The following ANK3 variants were observed in gnomAD, a reference collection of about 807,000 sequenced individuals.
ANK3 encodes ankyrin-3.
ANK3 carries 57 observed loss-of-function variants against 370.9 expected under a neutral mutation model. That is an observed-to-expected ratio of 0.15 (90% confidence interval 0.12 to 0.19). The LOEUF (loss-of-function observed/expected upper bound fraction) is 0.19. Among genes scored for constraint, ANK3 ranks in the 10% least tolerant of loss-of-function variants. The pLI, the probability that ANK3 is intolerant of heterozygous loss-of-function variation, is 1.00. For missense variants in ANK3, 4,439 were observed against 5,302.1 expected (o/e 0.84, Z 5.06); for synonymous variants, 1,929 against 1,946.3 (o/e 0.99, Z 0.23).
rs201156836 is a variant in ANK3, at chr10:60,358,111, CACACACACAA to C, written c.114+31304_114+31313del. Among the ~76,000 whole-genome samples the C allele has an allele frequency of 2.1e-3, 68 of 32,280 alleles. No individual in the cohort carries two copies. In the South Asian group the frequency reaches 0.076, roughly 36 times the overall value. 21.2% of individuals were successfully genotyped at this position (32,280 alleles called of 152,430 possible). ...ACATGCATATGTATACACACACACA[CACACACACAA>C]ACACACACACACACACACACACCCA... On this transcript the variant is annotated intron_variant, in intron 1 of 43. Coordinates refer to ENST00000280772, the MANE Select transcript of ANK3 (RefSeq NM_020987.5).
At chr10:60,060,292 ATATATAAAGTTTATATATTTAAGTT>A (rs960407309) in intron 40 of ANK3, 3 of 218,012 alleles carry the variant, frequency 1.4e-5, no homozygotes, top group Non-Finnish European at 2.7e-5. Flanking sequence ...TGCAGACTAA[ATATATAAAGTTTATATATTTAAGTT>A]TATATAAAGA....
intron 1 of ANK3, among the ~76,000 whole-genome samples, chr10:60,652,905 C>T (rs1401128325): frequency 5.9e-5 from 9 of 152,034 alleles, no homozygotes; most frequent in Non-Finnish European, 1.5e-5. Context: ...AAAGTGCAGG[C>T]CTTTACACAT....
chr10:60,694,352 A>G (rs1324008181), intron 1 of ANK3, among the ~76,000 whole-genome samples: 1 of 152,248 alleles, frequency 6.6e-6, no homozygotes, highest in Non-Finnish European at 1.5e-5. Context: ...AACTTCCCCA[A>G]TCTAGCAAGG....
intron 1 of ANK3, among the ~76,000 whole-genome samples, chr10:60,322,810 A>T (rs895344630): frequency 6.6e-6 from 1 of 151,954 alleles, no homozygotes; most frequent in African/African-American, 2.4e-5. Context: ...GGGAAAAAAA[A>T]TCTAGTGGTT....
chr10:60,041,080 T>C (rs758566836), intron 43 of ANK3, among the ~76,000 whole-genome samples: 5 of 152,148 alleles, frequency 3.3e-5, no homozygotes, highest in African/African-American at 7.2e-5. Context: ...AAAACCAAGT[T>C]GTGTTGAAAT....
At chr10:60,081,727 C>T (rs1222051769) in intron 35 of ANK3, 10 of 285,688 alleles carry the variant, frequency 3.5e-5, no homozygotes, top group African/African-American at 2.2e-4. Context: ...GAAACTTTCA[C>T]AAAATGTCTA....
intron 2 of ANK3, among the ~76,000 whole-genome samples, chr10:60,466,453 T>C (rs1040778942): frequency 6.6e-6 from 1 of 152,226 alleles, no homozygotes; most frequent in Non-Finnish European, 1.5e-5. Flanking sequence ...TGTAATGATA[T>C]AAGAAGCCTC....
intron 1 of ANK3, among the ~76,000 whole-genome samples, chr10:60,625,897 T>G (rs1210766249): frequency 6.6e-6 from 1 of 152,186 alleles, no homozygotes; most frequent in Non-Finnish European, 1.5e-5. Context: ...AGGACATTAG[T>G]ACATATTTTT....
At chr10:60,533,057 T>A (rs1251943390) in intron 2 of ANK3, among the ~76,000 whole-genome samples, 1 of 152,122 alleles carries the variant, frequency 6.6e-6, no homozygotes, top group African/African-American at 2.4e-5. Context: ...GCATTTCTTG[T>A]GTGTGAACTT....
intron 2 of ANK3, among the ~76,000 whole-genome samples, chr10:60,557,854 A>G (rs760318691): frequency 1.3e-5 from 2 of 152,204 alleles, no homozygotes; most frequent in Non-Finnish European, 2.9e-5. Flanking sequence ...AAAACACTTC[A>G]CTGCATTGTT....
intron 2 of ANK3, among the ~76,000 whole-genome samples, chr10:60,568,924 T>C (rs1382105632): frequency 6.6e-6 from 1 of 152,188 alleles, no homozygotes; most frequent in Non-Finnish European, 1.5e-5. Flanking sequence ...AGCAAGAAGA[T>C]GGTCATCAGC....
At position 60,070,463 on chromosome 10, in the gene ANK3, AC is replaced by A; in HGVS notation, c.10417del (p.Val3473TrpfsTer52). ...AGGTGGCTTGTCCTCATCTGGTCCC[AC>A]CTTTCCCTCCTCCTCGATAACTTCA... ...KLEVIEEEGK[V>X]GPDEDKPPSK... is the part of the protein sequence containing the mutation. On this transcript the variant is annotated frameshift_variant, in exon 37 of 44. Transcript: ENST00000280772. LOFTEE classifies it high-confidence loss of function. The surrounding 1 kb of genome is among the most constrained non-coding windows in gnomAD (Gnocchi z 5.7). 1 of 1,614,110 alleles carries A rather than the reference AC, an allele frequency of 6.2e-7. No homozygotes were observed. The highest frequency in any genetic ancestry group is 8.5e-7 in the Non-Finnish European group (1 of 1,179,996).
chr10:60,514,187 C>T (rs1027217593), intron 2 of ANK3, among the ~76,000 whole-genome samples: 4 of 152,104 alleles, frequency 2.6e-5, no homozygotes, highest in African/African-American at 7.2e-5. Context: ...ATCAGTAAGG[C>T]TGCCCGTCAA....
At chr10:60,545,916 A>G (rs559711653) in intron 2 of ANK3, among the ~76,000 whole-genome samples, 1 of 152,368 alleles carries the variant, frequency 6.6e-6, no homozygotes, top group Non-Finnish European at 1.5e-5. Flanking sequence ...CTCAGCCCAG[A>G]GGGACTGAGA....
At chr10:60,544,476 C>T (rs1762253222) in intron 2 of ANK3, among the ~76,000 whole-genome samples, 1 of 152,078 alleles carries the variant, frequency 6.6e-6, no homozygotes, top group African/African-American at 2.4e-5. Context: ...ATATGGCTTT[C>T]CATTTTTCCC....
intron 25 of ANK3, among the ~76,000 whole-genome samples, chr10:60,117,737 C>T (rs1441910797): frequency 1.3e-5 from 2 of 152,054 alleles, no homozygotes; most frequent in Non-Finnish European, 2.9e-5. Flanking sequence ...TCGCCTGAAC[C>T]CGGGAGGCGG....
chr10:60,069,937 T>A lies in ANK3; in HGVS notation c.10944A>T (p.Glu3648Asp). 6.2e-7 allele frequency: 1 copy of A among 1,614,102 alleles called. No individual in the cohort carries two copies. The highest frequency in any genetic ancestry group is 8.5e-7 in the Non-Finnish European group (1 of 1,180,002). ...TGGCAGTGACCATACTTTTATCCCC[T>A]TCCCCCTGGTCCCCTGACTTCCCTT... Reference protein sequence around the residue: ...TSEGKSGDQGEGDKSMVTATP... With the variant: ...TSEGKSGDQGDGDKSMVTATP... Residue 3648 changes from glutamate to aspartate, a missense_variant, in exon 37 of 44, where the codon GAA becomes GAT. Physicochemically the swap from Glu to Asp is conservative, Grantham distance 45 (BLOSUM62 2). Around this residue, in one of 13 missense-constraint regions of ANK3, gnomAD observed 496 missense variants for 529.3 expected, o/e 0.94. Coordinates refer to ENST00000280772, the MANE Select transcript of ANK3 (RefSeq NM_020987.5).
intron 13 of ANK3, among the ~76,000 whole-genome samples, chr10:60,199,696 GAA>G (rs35673624): frequency 2.8e-5 from 4 of 144,122 alleles, no homozygotes; most frequent in Non-Finnish European, 4.6e-5. Flanking sequence ...AGCTTGTGTA[GAA>G]AAAAAAAAAA....
intron 2 of ANK3, among the ~76,000 whole-genome samples, chr10:60,589,877 T>C (rs1404095093): frequency 6.6e-6 from 1 of 152,236 alleles, no homozygotes; most frequent in Non-Finnish European, 1.5e-5. Flanking sequence ...TCTCAACCAA[T>C]CCTAACTGAA....
Sources: allele counts gnomAD v4.1 joint callset (sites outside exome capture counted in the v4.1 genomes callset), GRCh38; gene constraint gnomAD v4.1.1; regional missense constraint gnomAD v4.1.1; non-coding constraint Gnocchi (gnomAD v3.1); transcripts MANE v1.5; gene names NCBI Gene and HGNC (gene_info 2026-07-23, HGNC 2026-07-21).